RSF1: variants seen among roughly 807,000 people sequenced by gnomAD.
RSF1 encodes the protein HBV pX-associated protein 8.
In RSF1, 13 loss-of-function variants were observed where a neutral mutation model predicts 145.2. The observed-to-expected ratio is 0.09, with a 90% CI of 0.06 to 0.14. The LOEUF (loss-of-function observed/expected upper bound fraction) is 0.14. Ranked by LOEUF, RSF1 falls within the 10% of genes least tolerant of loss-of-function variation. RSF1 has a pLI of 1.00. For missense variants in RSF1, 1,517 were observed against 1,718.2 expected (o/e 0.88, Z 2.07); for synonymous variants, 577 against 592.6 (o/e 0.97, Z 0.38).
chr11:77,687,564 G>C (rs7941302), intron 9 of RSF1, among the ~76,000 whole-genome samples: 51,054 of 151,804 alleles, frequency 0.34, 8,757 homozygotes, highest in East Asian at 0.46. Flanking sequence ...AAAATTAGCC[G>C]GGTGTGGTGG....
the RSF1 span, among the ~76,000 whole-genome samples, chr11:77,838,419 T>C: frequency 6.6e-6 from 1 of 152,172 alleles, no homozygotes; most frequent in African/African-American, 2.4e-5. Flanking sequence ...GCAAAACTGA[T>C]GTTTCCTTGA....
chr11:77,695,996 G>A (rs751024462), intron 7 of RSF1, among the ~76,000 whole-genome samples: 16 of 152,028 alleles, frequency 1.1e-4, no homozygotes, highest in Non-Finnish European at 1.6e-4. Flanking sequence ...GGGGTGGGAG[G>A]AGGCACACCA....
At chr11:77,705,575 G>C (rs1960528536) in intron 5 of RSF1, among the ~76,000 whole-genome samples, 1 of 152,174 alleles carries the variant, frequency 6.6e-6, no homozygotes, top group Non-Finnish European at 1.5e-5. Flanking sequence ...ATTTTGTTCA[G>C]GAAGGCACTT....
chr11:77,858,235 C>T, the RSF1 span, among the ~76,000 whole-genome samples: 1 of 149,008 alleles, frequency 6.7e-6, no homozygotes, highest in Admixed American at 6.7e-5. Context: ...TGCTCTGTCA[C>T]CCAGGCTGGA....
intron 15 of RSF1, 51 bp downstream of exon 15, chr11:77,671,991 T>C (rs753763884): frequency 1.4e-6 from 2 of 1,432,090 alleles, no homozygotes; most frequent in East Asian, 2.3e-5. Flanking sequence ...CACTTTATAA[T>C]GTCTATTTTG....
In RSF1 at chr11:77,783,695, A is replaced by G. The variant is rs190204583; in HGVS notation, c.188-19006T>C. On this transcript the variant is annotated intron_variant, in intron 1 of 15. Coordinates refer to ENST00000308488, the MANE Select transcript of RSF1 (RefSeq NM_016578.4). Reference sequence around the variant, plus strand: ...AGTCTCTACAAAAAATTAAAAAATTAGCCAGGCATAATGGTGTGCGTCAGG... The same window carrying G: ...AGTCTCTACAAAAAATTAAAAAATTGGCCAGGCATAATGGTGTGCGTCAGG... Among the ~76,000 whole-genome samples the G allele has an allele frequency of 4.6e-5, 7 of 152,222 alleles. No individual in the cohort carries two copies. In the East Asian group the frequency reaches 1.2e-3, roughly 25 times the overall value.
At chr11:77,757,364 A>T (rs1948126084) in intron 2 of RSF1, among the ~76,000 whole-genome samples, 1 of 152,208 alleles carries the variant, frequency 6.6e-6, no homozygotes, top group African/African-American at 2.4e-5. Context: ...CGACCCAATG[A>T]GGCTCTGGAG....
At chr11:77,834,950 A>C in the RSF1 span, among the ~76,000 whole-genome samples, 19 of 152,314 alleles carry the variant, frequency 1.2e-4, no homozygotes, top group Admixed American at 4.6e-4. Flanking sequence ...CATGAGCTAA[A>C]CCAGAGTAGT....
At chr11:77,862,604 A>G in the RSF1 span, among the ~76,000 whole-genome samples, 1 of 151,970 alleles carries the variant, frequency 6.6e-6, no homozygotes, top group Admixed American at 6.6e-5. Context: ...TTAGTTGGGG[A>G]AGCAGTTGGG....
In RSF1 at chr11:77,662,733, T is replaced by C. The variant is rs1387080618; in HGVS notation, c.*4184A>G. 2.0e-5 allele frequency: 3 copies of C among 152,092 alleles called. No individual in the cohort carries two copies. The highest frequency in any genetic ancestry group is 4.4e-5 in the Non-Finnish European group (3 of 68,006). 9.4% of individuals were successfully genotyped at this position (152,092 alleles called of 1,614,324 possible). A position where few individuals can be genotyped will look rare whatever the true frequency, so the allele number is the denominator to read the frequency against. ...CACACTTTGGGAAAGGTAGATGATA[T>C]AGGAATGGATTTTAATCTGAGAAGA... On this transcript the variant is annotated 3_prime_UTR_variant, in exon 16 of 16. Transcript: ENST00000308488.
At chr11:77,727,622 A>G (rs963802728) in intron 4 of RSF1, among the ~76,000 whole-genome samples, 10 of 151,700 alleles carry the variant, frequency 6.6e-5, no homozygotes, top group Non-Finnish European at 1.5e-4. Context: ...GATTACAGGC[A>G]CCCATCACCA....
intron 1 of RSF1, among the ~76,000 whole-genome samples, chr11:77,811,516 A>G (rs1948731225): frequency 6.6e-6 from 1 of 152,206 alleles, no homozygotes; most frequent in African/African-American, 2.4e-5. Flanking sequence ...AGAGACAGAA[A>G]GAAGGAAATT....
At chr11:77,817,043 C>T (rs932400750) in intron 1 of RSF1, among the ~76,000 whole-genome samples, 1 of 152,150 alleles carries the variant, frequency 6.6e-6, no homozygotes, top group African/African-American at 2.4e-5. Context: ...AAGGCAATGA[C>T]ACAATAGTCC....
chr11:77,785,129 ACTT>A (rs1243509798), intron 1 of RSF1, among the ~76,000 whole-genome samples: 1 of 152,196 alleles, frequency 6.6e-6, no homozygotes, highest in African/African-American at 2.4e-5. Flanking sequence ...TATAGGGCTC[ACTT>A]CTTTTATTTC....
intron 2 of RSF1, among the ~76,000 whole-genome samples, chr11:77,758,716 GC>G (rs1166374634): frequency 3.3e-5 from 5 of 152,108 alleles, no homozygotes; most frequent in Non-Finnish European, 7.4e-5. Flanking sequence ...CTTCTCATAT[GC>G]TTTTTGATCT....
intron 1 of RSF1, among the ~76,000 whole-genome samples, chr11:77,774,602 AAATAAATAAATAAAT>A (rs1948322011): frequency 2.1e-5 from 3 of 145,592 alleles, no homozygotes; most frequent in Admixed American, 6.9e-5. Flanking sequence ...ATAAATAAAT[AAATAAATAAATAAAT>A]AAAATAAAGA....
At chr11:77,835,930 A>G in the RSF1 span, among the ~76,000 whole-genome samples, 1 of 152,146 alleles carries the variant, frequency 6.6e-6, no homozygotes, top group Admixed American at 6.5e-5. Context: ...AAAAATAATA[A>G]TAAAAATAAA....
At chr11:77,747,206 C>G (rs2135918526) in intron 2 of RSF1, 78 bp from the exon 3 acceptor site, 1 of 842,842 alleles carries the variant, frequency 1.2e-6, no homozygotes, top group East Asian at 2.6e-5. Flanking sequence ...CTATGCTGTT[C>G]TTGTTAATAC....
chr11:77,770,117 A>C (rs893167297), intron 1 of RSF1, among the ~76,000 whole-genome samples: 6 of 152,206 alleles, frequency 3.9e-5, no homozygotes, highest in African/African-American at 1.4e-4. Context: ...CTGAAAAGCA[A>C]AGAAACAGCT....
Sources: gnomAD v4.1 joint callset for allele counts (sites outside exome capture counted in the v4.1 genomes callset) on GRCh38, gnomAD v4.1.1 for gene constraint, MANE v1.5 for transcripts, NCBI Gene and HGNC (gene_info 2026-07-23, HGNC 2026-07-21) for gene names.